The following CSE1L variants were observed in gnomAD, a reference collection of about 807,000 sequenced individuals.
The protein encoded by CSE1L is chromosome segregation 1 like, also known as exportin-2.
Under a neutral mutation model 120.4 loss-of-function variants are expected in CSE1L, and 24 were observed. The observed-to-expected ratio is 0.20, with a 90% CI of 0.14 to 0.28. The LOEUF (loss-of-function observed/expected upper bound fraction) is 0.28. CSE1L is among the 10% of genes least tolerant of loss of function. CSE1L has a pLI of 1.00. For missense variants in CSE1L, 830 were observed against 1,145.2 expected (o/e 0.72, Z 3.97); for synonymous variants, 402 against 398.3 (o/e 1.01, Z -0.11).
intron 3 of CSE1L, among the ~76,000 whole-genome samples, chr20:49,064,155 A>G (rs1295018022): frequency 2.0e-5 from 3 of 152,232 alleles, no homozygotes. Flanking sequence ...GCTTTCCACA[A>G]CAAAGAATTA....
chr20:49,089,872 C>A, intron 19 of CSE1L, 126 bp downstream of exon 19: 1 of 825,832 alleles, frequency 1.2e-6, no homozygotes, highest in Non-Finnish European at 1.9e-6. Context: ...AAGCCCACCA[C>A]TTTGGGAGCC....
At chr20:49,093,930 AAAAG>A (rs1271285344) in intron 22 of CSE1L, among the ~76,000 whole-genome samples, 2 of 151,930 alleles carry the variant, frequency 1.3e-5, no homozygotes, top group African/African-American at 4.8e-5. Flanking sequence ...AAAAAAAAAG[AAAAG>A]AAAAAGATTA....
chr20:49,067,031 C>CAAAAAAAAAAAAA (rs60161542), intron 5 of CSE1L, among the ~76,000 whole-genome samples, 159 bp from the exon 6 acceptor site: 2 of 100,818 alleles, frequency 2.0e-5, no homozygotes, highest in African/African-American at 4.2e-5. Context: ...GACTCCGTCT[C>CAAAAAAAAAAAAA]AAAAAAAAAA....
At chr20:49,091,123 T>G (rs1299987486) in intron 21 of CSE1L, 101 bp downstream of exon 21, 1 of 897,544 alleles carries the variant, frequency 1.1e-6, no homozygotes, top group African/African-American at 1.7e-5. Flanking sequence ...CGTTTTAAAC[T>G]TTATGCAAAA....
intron 17 of CSE1L, among the ~76,000 whole-genome samples, chr20:49,088,962 C>T (rs1298121785): frequency 9.2e-5 from 14 of 152,142 alleles, no homozygotes; most frequent in Admixed American, 9.2e-4. Flanking sequence ...AGTGGCATTA[C>T]TAGGACTTAG....
intron 1 of CSE1L, among the ~76,000 whole-genome samples, chr20:49,052,992 T>G (rs1385235874): frequency 5.9e-5 from 9 of 152,036 alleles, no homozygotes; most frequent in African/African-American, 1.7e-4. Flanking sequence ...AAATGCAGAT[T>G]TATTAAGAAG....
chr20:49,076,188 T>G (rs2091967024), intron 12 of CSE1L, among the ~76,000 whole-genome samples: 1 of 93,730 alleles, frequency 1.1e-5, no homozygotes, highest in Non-Finnish European at 2.6e-5. Context: ...TGTTGTTGTT[T>G]TGTTTTGTTT....
rs985976261 is a variant in CSE1L, at chr20:49,072,561, G to C, written c.937-7G>C. On this transcript the variant is annotated splice_polypyrimidine_tract_variant and splice_region_variant and intron_variant, in intron 9 of 24. Transcript: ENST00000262982. ...AAAAATATTCTTGTTTTTGTGTTTTGTTCCAGTTGGTAAGTAATGCAATTC... is the reference window on the plus strand; with the variant it reads ...AAAAATATTCTTGTTTTTGTGTTTTCTTCCAGTTGGTAAGTAATGCAATTC... The C allele has an allele frequency of 1.2e-6, 2 of 1,606,954 alleles. No homozygotes were observed. Among genetic ancestry groups the C allele is most frequent in the Non-Finnish European group, 1.7e-6 (2 of 1,177,028 alleles).
intron 22 of CSE1L, among the ~76,000 whole-genome samples, chr20:49,092,341 T>C (rs1444432725): frequency 6.6e-6 from 1 of 151,866 alleles, no homozygotes; most frequent in African/African-American, 2.4e-5. Context: ...TCTGAGAGGC[T>C]GAGGAGGGCG....
At chr20:49,050,385 ATTTTTTTT>A (rs1243770980) in intron 1 of CSE1L, among the ~76,000 whole-genome samples, 13 of 79,036 alleles carry the variant, frequency 1.6e-4, no homozygotes, top group Admixed American at 5.9e-4. Flanking sequence ...AGCCCAGCTA[ATTTTTTTT>A]TTTTTTTTTT....
intron 1 of CSE1L, among the ~76,000 whole-genome samples, chr20:49,046,717 C>A (rs1168002159): frequency 6.6e-6 from 1 of 152,264 alleles, no homozygotes; most frequent in Non-Finnish European, 1.5e-5. Flanking sequence ...TGCGGATTGC[C>A]CGCCCTTTCC....
intron 14 of CSE1L, among the ~76,000 whole-genome samples, chr20:49,082,869 G>A (rs1310755875): frequency 6.6e-6 from 1 of 152,074 alleles, no homozygotes; most frequent in Non-Finnish European, 1.5e-5. Context: ...GCCCAGGCTG[G>A]AGTGCAGTGG....
At chr20:49,061,174 T>TTTC (rs2123677166) in intron 2 of CSE1L, among the ~76,000 whole-genome samples, 1 of 146,724 alleles carries the variant, frequency 6.8e-6, no homozygotes, top group East Asian at 2.0e-4. Flanking sequence ...AAAATTTTTT[T>TTTC]TTTTTTTTTT....
intron 16 of CSE1L, among the ~76,000 whole-genome samples, chr20:49,086,469 G>T (rs569127867): frequency 4.9e-5 from 7 of 143,874 alleles, no homozygotes; most frequent in South Asian, 2.3e-4. Context: ...GGGTTCAAGC[G>T]ATTCGCCTGC....
intron 1 of CSE1L, among the ~76,000 whole-genome samples, chr20:49,048,138 GTCTC>G (rs947757587): frequency 2.8e-5 from 4 of 145,428 alleles, no homozygotes; most frequent in Non-Finnish European, 4.5e-5. Context: ...CTCTGTGTGT[GTCTC>G]TCTCTTTTTT....
intron 8 of CSE1L, among the ~76,000 whole-genome samples, chr20:49,071,600 T>G (rs2091932055): frequency 6.6e-6 from 1 of 152,140 alleles, no homozygotes; most frequent in Middle Eastern, 3.4e-3. Context: ...TCCTCCCACC[T>G]CAGCCTCCCA....
rs1304907206 is a variant in CSE1L at position 49,094,173 on chromosome 20, T to C, written c.2481T>C (p.Ile827=). The C allele has an allele frequency of 1.3e-6, 2 of 1,586,546 alleles. No homozygotes were observed. The highest frequency in any genetic ancestry group is 1.1e-5 in the South Asian group (1 of 88,000). Residue 827 remains isoleucine (I), a synonymous_variant, in exon 23 of 25, where the codon ATT becomes ATC. Transcript: ENST00000262982. The part of the protein sequence containing the change: ...MFGMVLEKII[I]PEIQKVSGNV... Reference sequence around the variant, plus strand: ...GAATGGTTTTGGAAAAAATTATTATTCCTGAAATTCAGAAGGTATCTGGAA... The same window carrying C: ...GAATGGTTTTGGAAAAAATTATTATCCCTGAAATTCAGAAGGTATCTGGAA...
At chr20:49,094,326 C>T (rs968622814) in intron 23 of CSE1L, 40 bp downstream of exon 23, 3 of 1,587,826 alleles carry the variant, frequency 1.9e-6, no homozygotes, top group Middle Eastern at 1.7e-4. Context: ...GTTACAGCTT[C>T]CTTCCCATAT....
In CSE1L at chr20:49,078,681, C is replaced by T. The variant is rs1185216974; in HGVS notation, c.1482+59C>T. On this transcript the variant is annotated intron_variant, in intron 14 of 24. Coordinates refer to ENST00000262982, the MANE Select transcript of CSE1L (RefSeq NM_001316.4). ...ATCTCTTTAAGAGTTTTATTATGTACCACCTTCTCATCTACTGTGCAGTCA... is the reference window on the plus strand; with the variant it reads ...ATCTCTTTAAGAGTTTTATTATGTATCACCTTCTCATCTACTGTGCAGTCA... 3.6e-6 allele frequency: 4 copies of T among 1,115,012 alleles called. No homozygotes were observed. The Admixed American group carries it at 1.1e-4, about 29-fold the overall frequency. 69.1% of individuals were successfully genotyped at this position (1,115,012 alleles called of 1,614,324 possible). A position where few individuals can be genotyped will look rare whatever the true frequency, so the allele number is the denominator to read the frequency against.
Sources: allele counts gnomAD v4.1 joint callset (sites outside exome capture counted in the v4.1 genomes callset), GRCh38; gene constraint gnomAD v4.1.1; transcripts MANE v1.5; gene names NCBI Gene and HGNC (gene_info 2026-07-23, HGNC 2026-07-21).